Variants in ANK2 observed in about 807,000 individuals in gnomAD.
The protein encoded by ANK2 is ankyrin-2.
A neutral mutation model predicts 360.5 loss-of-function variants in ANK2; 83 were observed. The ratio of observed to expected loss-of-function variants is 0.23; its 90% CI spans 0.19 to 0.28. The LOEUF is 0.28. Among genes scored for constraint, ANK2 ranks in the 10% least tolerant of loss-of-function variants. The probability of loss-of-function intolerance (pLI) is 1.00; values close to 1 mark genes in which losing one functional copy is unlikely to be tolerated. For missense variants in ANK2, 4,201 were observed against 4,795.7 expected (o/e 0.88, Z 3.66); for synonymous variants, 1,740 against 1,759.5 (o/e 0.99, Z 0.28).
At position 113,264,891 on chromosome 4, in the gene ANK2, T is replaced by C. The variant is rs536304475; in HGVS notation, c.1387-6T>C. The C allele has an allele frequency of 7.7e-6, 12 of 1,558,300 alleles. No individual in the cohort carries two copies. The African/African-American group carries it at 1.4e-4, about 18-fold the overall frequency. On this transcript the variant is annotated splice_polypyrimidine_tract_variant and splice_region_variant and intron_variant, in intron 13 of 45. Coordinates refer to ENST00000357077, the MANE Select transcript of ANK2 (RefSeq NM_001148.6). ...TTATGATTTGACGATCTTTGTTCCC[T>C]GGCAGCGTGGTGAGACGGCACTACA...
intron 1 of ANK2, among the ~76,000 whole-genome samples, chr4:113,104,767 TG>T (rs1322386321): frequency 1.3e-5 from 2 of 151,780 alleles, no homozygotes; most frequent in African/African-American, 4.8e-5. Flanking sequence ...CATGTATAAC[TG>T]GGAAAAAACT....
chr4:113,156,325 T>C (rs1445102308), intron 1 of ANK2, among the ~76,000 whole-genome samples: 1 of 150,540 alleles, frequency 6.6e-6, no homozygotes, highest in East Asian at 1.9e-4. Context: ...TTCAACATCA[T>C]GAAAGCATTA....
At chr4:113,242,757 G>C (rs1235210780) in intron 9 of ANK2, among the ~76,000 whole-genome samples, 1 of 152,118 alleles carries the variant, frequency 6.6e-6, no homozygotes, top group South Asian at 2.1e-4. Context: ...GCTTTCATTT[G>C]TTTCAAACTT....
chr4:113,359,278 A>T lies in ANK2; in HGVS notation c.10660A>T (p.Asn3554Tyr), dbSNP rs758868149. 4.2e-5 allele frequency: 67 copies of T among 1,613,750 alleles called. No homozygotes were observed. Among genetic ancestry groups the T allele is most frequent in the Non-Finnish European group, 5.5e-5 (65 of 1,179,874 alleles). Residue 3554 changes from asparagine (N) to tyrosine (Y), a missense_variant, in exon 38 of 46, where the codon AAT becomes TAT. Around this residue, in one of 4 missense-constraint regions of ANK2, gnomAD observed 2,642 missense variants for 2,714.5 expected, o/e 0.97. Transcript: ENST00000357077. The stretch of plus-strand genomic sequence containing the variant: ...TCTGATTGAACGCATCCCTGATGAA[A>T]ATGGCCATGACCATGCTGAAGGTAT... ...ETLIERIPDE[N>Y]GHDHAEDPQD...
At chr4:113,006,328 C>A (rs1490903465) in intron 2 of ANK2, among the ~76,000 whole-genome samples, 1 of 151,954 alleles carries the variant, frequency 6.6e-6, no homozygotes, top group Non-Finnish European at 1.5e-5. Context: ...CTCCCACATT[C>A]AATAAGGCAA....
chr4:113,044,429 A>T (rs954569627), intron 2 of ANK2, among the ~76,000 whole-genome samples: 1 of 152,198 alleles, frequency 6.6e-6, no homozygotes, highest in Non-Finnish European at 1.5e-5. Flanking sequence ...TACAGGTTAG[A>T]ACTAAATCTC....
rs553397998 is a variant in ANK2, at chr4:113,008,266, T to C, written c.21+103752T>C. Among the ~76,000 whole-genome samples the C allele has an allele frequency of 5.3e-5, 8 of 152,262 alleles. No homozygotes were observed. In the East Asian group the frequency reaches 1.5e-3, roughly 29 times the overall value. On this transcript the variant is annotated intron_variant, in intron 2 of 30. Transcript: ENST00000503271. The stretch of plus-strand genomic sequence containing the variant: ...CACTTTATTAGCTTTTAAAGGCAGT[T>C]GAGTGGAGTTTATTGTACATAAGAC...
chr4:112,912,759 G>T (rs1038541224), intron 2 of ANK2, among the ~76,000 whole-genome samples: 1 of 152,012 alleles, frequency 6.6e-6, no homozygotes, highest in African/African-American at 2.4e-5. Context: ...TTAGGTTCTA[G>T]TCCCAGTTAC....
intron 1 of ANK2, among the ~76,000 whole-genome samples, chr4:113,164,466 C>G (rs1368583235): frequency 6.6e-6 from 1 of 152,166 alleles, no homozygotes; most frequent in Non-Finnish European, 1.5e-5. Flanking sequence ...ACTAAACAAG[C>G]AATCTACTTT....
chr4:113,328,696 T>A (rs1285834277), intron 26 of ANK2, among the ~76,000 whole-genome samples: 1 of 152,174 alleles, frequency 6.6e-6, no homozygotes, highest in African/African-American at 2.4e-5. Context: ...GGCCCCTGCA[T>A]GTGGGAAGGC....
rs1355288561 is a variant in ANK2, at chr4:113,350,230, C to T, written c.4407C>T (p.Ile1469=). Residue 1469 remains isoleucine, a splice_region_variant and synonymous_variant, in exon 37 of 46, where the codon ATC becomes ATT. Transcript: ENST00000357077. ...AATTTATGTATGTTTTCTTTCAGAT[C>T]GATATGACATCAGAAAAAAGTAAGA... ...SESDQEQEEE[I]DMTSEKNDET... is the part of the protein sequence containing the mutation. 1.9e-6 allele frequency: 3 copies of T among 1,606,710 alleles called. No individual in the cohort carries two copies. Among genetic ancestry groups the T allele is most frequent in the Non-Finnish European group, 2.6e-6 (3 of 1,175,372 alleles).
chr4:113,083,432 C>T (rs1159506301), intron 1 of ANK2, among the ~76,000 whole-genome samples: 3 of 152,166 alleles, frequency 2.0e-5, no homozygotes, highest in Non-Finnish European at 4.4e-5. Flanking sequence ...ACTTCACCCT[C>T]CCAAAGCGCT....
intron 2 of ANK2, among the ~76,000 whole-genome samples, chr4:112,947,877 C>G (rs187931222): frequency 6.6e-4 from 100 of 152,276 alleles, no homozygotes; most frequent in African/African-American, 2.4e-3. Context: ...TCAGTGAATA[C>G]AGTGCAGATG....
At chr4:113,349,358 A>G (rs1184152969) in intron 36 of ANK2, among the ~76,000 whole-genome samples, 3 of 152,164 alleles carry the variant, frequency 2.0e-5, no homozygotes, top group Admixed American at 6.6e-5. Context: ...CAAATATACT[A>G]GTTTTCTTTT....
the ANK2 span, among the ~76,000 whole-genome samples, chr4:112,757,052 A>G: frequency 7.4e-4 from 113 of 152,078 alleles, no homozygotes; most frequent in East Asian, 0.021. Flanking sequence ...TTGTTCTTAC[A>G]TCACCCTGTA....
At chr4:113,359,896 T>A (rs2096091286) in intron 38 of ANK2, among the ~76,000 whole-genome samples, 1 of 152,164 alleles carries the variant, frequency 6.6e-6, no homozygotes, top group African/African-American at 2.4e-5. Context: ...TTCATTTATG[T>A]GGTAGATGAA....
chr4:112,760,188 CT>C, the ANK2 span, among the ~76,000 whole-genome samples: 79,236 of 123,216 alleles, frequency 0.64, 24,007 homozygotes, highest in East Asian at 0.92. Flanking sequence ...ATTCCATATT[CT>C]TTTTTTTTTT....
At chr4:113,348,223 C>G (rs921383344) in intron 35 of ANK2, 53 bp from the exon 36 acceptor site, 21 of 1,577,822 alleles carry the variant, frequency 1.3e-5, no homozygotes, top group Non-Finnish European at 1.8e-5. Context: ...TAAATACTCT[C>G]TACTCTTCCT....
At chr4:113,149,180 A>G (rs2096943456) in intron 1 of ANK2, 4 of 152,170 alleles carry the variant, frequency 2.6e-5, no homozygotes, top group South Asian at 2.1e-4. Flanking sequence ...AGGATGGAGG[A>G]TTGGATTAGG....
Sources: allele counts gnomAD v4.1 joint callset (sites outside exome capture counted in the v4.1 genomes callset), GRCh38; gene constraint gnomAD v4.1.1; regional missense constraint gnomAD v4.1.1; transcripts MANE v1.5; gene names NCBI Gene and HGNC (gene_info 2026-07-23, HGNC 2026-07-21).